TMIE: variants seen among roughly 807,000 people sequenced by gnomAD.
TMIE encodes transmembrane inner ear expressed protein.
In TMIE, 14 loss-of-function variants were observed where a neutral mutation model predicts 16.8. The observed-to-expected ratio is 0.83, with a 90% CI of 0.55 to 1.30. The LOEUF (loss-of-function observed/expected upper bound fraction) is 1.30. Ranked by LOEUF, TMIE falls within the 50% of genes most tolerant of loss-of-function variation. The pLI is 0.00. For missense variants in TMIE, 204 were observed against 205.9 expected, an observed-to-expected ratio of 0.99 and a Z score of 0.06; for synonymous variants, 75 against 87.2, an observed-to-expected ratio of 0.86 and a Z score of 0.78.
upstream of TMIE, among the ~76,000 whole-genome samples, chr3:46,697,754 C>T (rs945738711): frequency 6.6e-6 from 1 of 152,070 alleles, no homozygotes; most frequent in African/African-American, 2.4e-5. Flanking sequence ...TGGGATCTGA[C>T]ACTATCTCCG....
At chr3:46,705,557 TTCCCCAAGCA>T in intron 1 of TMIE, among the ~76,000 whole-genome samples, 1 of 152,308 alleles carries the variant, frequency 6.6e-6, no homozygotes, top group Non-Finnish European at 1.5e-5. Flanking sequence ...AGGCCTTGGT[TTCCCCAAGCA>T]TCAACCACCC....
chr3:46,701,401 T>C lies in TMIE; in HGVS notation c.-87T>C. 1 of 1,128,628 alleles carries C rather than the reference T, an allele frequency of 8.9e-7. No homozygotes were observed. Among genetic ancestry groups the C allele is most frequent in the Admixed American group, 3.1e-5 (1 of 32,636 alleles). 69.9% of individuals were successfully genotyped at this position (1,128,628 alleles called of 1,614,324 possible). On this transcript the variant is annotated 5_prime_UTR_variant, in exon 1 of 4. Coordinates refer to ENST00000643606, the MANE Select transcript of TMIE (RefSeq NM_147196.3). The surrounding 1 kb of genome is among the most constrained non-coding windows in gnomAD (Gnocchi z 4.3). The stretch of plus-strand genomic sequence containing the variant: ...GCTGACTACCCGTGGCCAAAGCCCG[T>C]GGCCACCGAGCGCCGGCTGGCAGGG...
intron 1 of TMIE, among the ~76,000 whole-genome samples, chr3:46,704,319 C>T (rs1422790654): frequency 6.7e-6 from 1 of 149,256 alleles, no homozygotes; most frequent in Non-Finnish European, 1.5e-5. Context: ...GGACCATGTC[C>T]CTAGACACCC....
At chr3:46,700,220 C>T (rs893898496), upstream of TMIE, among the ~76,000 whole-genome samples, 1 of 152,226 alleles carries the variant, frequency 6.6e-6, no homozygotes, top group African/African-American at 2.4e-5. Flanking sequence ...CGATGGGTCT[C>T]CTGGGCTGCA....
chr3:46,706,009 G>A (rs1038783194), intron 2 of TMIE, 102 bp downstream of exon 2: 8 of 1,246,614 alleles, frequency 6.4e-6, no homozygotes, highest in Non-Finnish European at 9.4e-6. Flanking sequence ...AGTGCAAGTA[G>A]GCCAGGCACC....
At chr3:46,703,158 C>T (rs1700498503) in intron 1 of TMIE, among the ~76,000 whole-genome samples, 2 of 152,200 alleles carry the variant, frequency 1.3e-5, no homozygotes, top group South Asian at 4.1e-4. Flanking sequence ...CACCTTAGCC[C>T]TGTGTGGGTC....
At chr3:46,705,971 C>G (rs1051545413) in intron 2 of TMIE, 64 bp downstream of exon 2, 3 of 1,516,940 alleles carry the variant, frequency 2.0e-6, no homozygotes, top group South Asian at 2.2e-5. Context: ...CCCTGCCCCC[C>G]AGAGGGCTCA....
At chr3:46,701,281 G>C (rs1700470057), upstream of TMIE, 7 of 401,600 alleles carry the variant, frequency 1.7e-5, no homozygotes, top group Middle Eastern at 4.6e-4. This position sits in a 1 kb window ranked among gnomAD's most constrained non-coding sequence, Gnocchi z 4.3. Context: ...CCTGCGGCCC[G>C]ATCTCCCGGG....
At chr3:46,697,607 C>T (rs1173131526), upstream of TMIE, among the ~76,000 whole-genome samples, 1 of 152,202 alleles carries the variant, frequency 6.6e-6, no homozygotes. Context: ...CTGTGACCCA[C>T]TCCAGCAAAT....
In TMIE at chr3:46,701,586, G is replaced by A. The variant is rs1700478464; in HGVS notation, c.93+6G>A. 8 of 1,285,046 alleles carry A rather than the reference G, an allele frequency of 6.2e-6. No individual in the cohort carries two copies. Among genetic ancestry groups the A allele is most frequent in the Non-Finnish European group, 7.8e-6 (8 of 1,019,700 alleles). 79.6% of individuals were successfully genotyped at this position (1,285,046 alleles called of 1,614,324 possible). Reference sequence around the variant, plus strand: ...TTGCCGGGCAGCTGGTGGAGGTGAGGCCGCGGCACGGAGGGACTGGGGAGG... The same window carrying A: ...TTGCCGGGCAGCTGGTGGAGGTGAGACCGCGGCACGGAGGGACTGGGGAGG... On this transcript the variant is annotated splice_donor_region_variant and intron_variant, in intron 1 of 3. Transcript: ENST00000643606. The surrounding 1 kb of genome is among the most constrained non-coding windows in gnomAD (Gnocchi z 4.3).
chr3:46,706,420 G>A (rs1700553756), intron 2 of TMIE, among the ~76,000 whole-genome samples: 1 of 152,194 alleles, frequency 6.6e-6, no homozygotes, highest in Non-Finnish European at 1.5e-5. Context: ...CTGGGCTCTG[G>A]GAGCTTCTTG....
upstream of TMIE, among the ~76,000 whole-genome samples, chr3:46,699,162 T>C (rs966763167): frequency 1.5e-5 from 2 of 133,652 alleles, no homozygotes; most frequent in Non-Finnish European, 3.1e-5. Context: ...AACCTCCGCC[T>C]CCCGAGTTCA....
chr3:46,705,983 A>G, intron 2 of TMIE, 76 bp downstream of exon 2: 1 of 1,484,186 alleles, frequency 6.7e-7, no homozygotes, highest in Non-Finnish European at 9.4e-7. Context: ...GAGGGCTCAG[A>G]GCAGCAATTC....
In TMIE at chr3:46,709,844, C is replaced by A; in HGVS notation, c.*156C>A. ...CCACATCCTCATGGCCCATCAGGGG[C>A]AGGAACCAGACAATCTCGTAGGTGT... On this transcript the variant is annotated 3_prime_UTR_variant, in exon 4 of 4. Transcript: ENST00000643606. 1 of 1,468,952 alleles carries A rather than the reference C, an allele frequency of 6.8e-7. No individual in the cohort carries two copies. Among genetic ancestry groups the A allele is most frequent in the Non-Finnish European group, 9.2e-7 (1 of 1,082,280 alleles). 91.0% of individuals were successfully genotyped at this position (1,468,952 alleles called of 1,614,324 possible). A position where few individuals can be genotyped will look rare whatever the true frequency, so the allele number is the denominator to read the frequency against.
At chr3:46,696,366 C>T (rs1438450490) in intron 1 of TMIE, among the ~76,000 whole-genome samples, 3 of 152,344 alleles carry the variant, frequency 2.0e-5, no homozygotes, top group Non-Finnish European at 4.4e-5. Flanking sequence ...GCAGAATGCA[C>T]ATGCACTCCC....
At chr3:46,705,722 G>A (rs1700542758) in intron 1 of TMIE, 68 bp from the exon 2 acceptor site, 3 of 1,354,760 alleles carry the variant, frequency 2.2e-6, no homozygotes, top group Non-Finnish European at 3.2e-6. Flanking sequence ...CTGAGACCTG[G>A]GCCCTTCTCA....
chr3:46,697,950 T>C (rs1700424843), upstream of TMIE, among the ~76,000 whole-genome samples: 1 of 152,182 alleles, frequency 6.6e-6, no homozygotes, highest in South Asian at 2.1e-4. Context: ...ACTTTCAGGA[T>C]GTTCGCCTTA....
chr3:46,705,842 T>C lies in TMIE; in HGVS notation c.146T>C (p.Val49Ala), dbSNP rs756396063. The C allele has an allele frequency of 3.1e-6, 5 of 1,613,976 alleles. No homozygotes were observed. Among genetic ancestry groups the C allele is most frequent in the Non-Finnish European group, 4.2e-6 (5 of 1,180,052 alleles). ...CCGCCTCCGCTGACCAAGGAGACAGTGGTGTTCTGGGACATGCGCCTGTGG... is the reference window on the plus strand; with the variant it reads ...CCGCCTCCGCTGACCAAGGAGACAGCGGTGTTCTGGGACATGCGCCTGTGG... ...PKPPPLTKET[V>A]VFWDMRLWHV... is the part of the protein sequence containing the mutation. The change falls in exon 2 of 4, where the codon GTG (valine) becomes GCG (alanine). Residue 49 changes from valine (V) to alanine (A), a missense_variant. Physicochemically the swap from Val to Ala is moderately conservative, Grantham distance 64. Transcript: ENST00000643606.
chr3:46,705,972 A>C, intron 2 of TMIE, 65 bp downstream of exon 2: 1 of 1,517,756 alleles, frequency 6.6e-7, no homozygotes, highest in Admixed American at 1.7e-5. Context: ...CCTGCCCCCC[A>C]GAGGGCTCAG....
Sources: gnomAD v4.1 joint callset for allele counts (sites outside exome capture counted in the v4.1 genomes callset) on GRCh38, gnomAD v4.1.1 for gene constraint, Gnocchi (gnomAD v3.1) non-coding constraint, MANE v1.5 for transcripts, NCBI Gene and HGNC (gene_info 2026-07-23, HGNC 2026-07-21) for gene names.